PSMG2: variants seen among roughly 807,000 people sequenced by gnomAD.
PSMG2 encodes proteasome assembly chaperone 2.
Under a neutral mutation model 31.5 loss-of-function variants are expected in PSMG2, and 21 were observed. The ratio of observed to expected loss-of-function variants is 0.67; its 90% CI spans 0.47 to 0.96. The LOEUF (loss-of-function observed/expected upper bound fraction) is 0.96. Among genes scored for constraint, PSMG2 ranks in the 40% least tolerant of loss-of-function variants. The probability of loss-of-function intolerance (pLI) is 0.00; values close to 1 mark genes in which losing one functional copy is unlikely to be tolerated. For missense variants in PSMG2, 318 were observed against 321.2 expected (o/e 0.99, Z 0.08); for synonymous variants, 120 against 110.4 (o/e 1.09, Z -0.54).
At chr18:12,706,755 C>G in intron 2 of PSMG2, 34 bp downstream of exon 2, 1 of 1,549,512 alleles carries the variant, frequency 6.5e-7, no homozygotes, top group Non-Finnish European at 8.7e-7. Flanking sequence ...TTTTCCACTA[C>G]AAAGTAGAGT....
chr18:12,671,378 G>A (rs2038938030), intron 1 of PSMG2, among the ~76,000 whole-genome samples: 1 of 151,952 alleles, frequency 6.6e-6, no homozygotes, highest in Non-Finnish European at 1.5e-5. Context: ...ACTTTCTTAA[G>A]ACCAATGGAT....
At chr18:12,671,637 ACTTTC>A (rs2038946008) in intron 1 of PSMG2, among the ~76,000 whole-genome samples, 1 of 121,910 alleles carries the variant, frequency 8.2e-6, no homozygotes, top group Non-Finnish European at 1.7e-5. Context: ...CAGGTTTCAC[ACTTTC>A]TTTTTTTTTT....
intron 3 of PSMG2, among the ~76,000 whole-genome samples, chr18:12,713,170 A>G (rs2040347119): frequency 6.6e-6 from 1 of 152,188 alleles, no homozygotes; most frequent in African/African-American, 2.4e-5. Context: ...AACCAGTGTC[A>G]TCTTCATGCC....
intron 1 of PSMG2, among the ~76,000 whole-genome samples, chr18:12,659,312 C>CTT (rs1448494239): frequency 2.0e-5 from 3 of 152,140 alleles, no homozygotes; most frequent in African/African-American, 7.2e-5. Context: ...GAGATACCAT[C>CTT]TTACATACAG....
At chr18:12,716,503 C>A (rs2040377674) in intron 3 of PSMG2, among the ~76,000 whole-genome samples, 1 of 151,474 alleles carries the variant, frequency 6.6e-6, no homozygotes, top group African/African-American at 2.4e-5. Flanking sequence ...ACGCCACTCT[C>A]CTGCCTCAGC....
At chr18:12,675,424 A>AT (rs1470156814) in intron 1 of PSMG2, among the ~76,000 whole-genome samples, 1 of 152,034 alleles carries the variant, frequency 6.6e-6, no homozygotes, top group Non-Finnish European at 1.5e-5. Context: ...AAATAAATAA[A>AT]AAAGAGTTTA....
chr18:12,711,234 T>C (rs1244696140), intron 2 of PSMG2, among the ~76,000 whole-genome samples: 2 of 151,512 alleles, frequency 1.3e-5, no homozygotes, highest in African/African-American at 2.4e-5. Flanking sequence ...ATCGCACCAC[T>C]GCACTTCAGC....
chr18:12,715,766 A>G (rs1483482243), intron 3 of PSMG2, among the ~76,000 whole-genome samples: 5 of 152,210 alleles, frequency 3.3e-5, no homozygotes, highest in Non-Finnish European at 7.4e-5. Context: ...ACAGCCTCCC[A>G]AAGTGCTGGG....
rs776256600 is a variant in PSMG2 at position 12,720,664 on chromosome 18, A to G, written c.562A>G (p.Lys188Glu). The change falls in exon 5 of 7, where the codon AAA becomes GAA. Residue 188 changes from lysine to glutamate, a missense_variant. By Grantham distance (56) the Lys-to-Glu change is moderately conservative. Transcript: ENST00000317615. ...CIRIPGGGIT[K>E]TLYDESCSKE... is the part of the protein sequence containing the mutation. The stretch of plus-strand genomic sequence containing the variant: ...CCGCATTCCGGGAGGAGGTATCACA[A>G]AAACACTCTATGATGAAAGGTGAGT... 1.9e-6 allele frequency: 3 copies of G among 1,610,592 alleles called. No homozygotes were observed. The highest frequency in any genetic ancestry group is 1.1e-5 in the South Asian group (1 of 90,448).
chr18:12,720,633 T>C lies in PSMG2; in HGVS notation c.531T>C (p.Phe177=). 2.5e-6 allele frequency: 4 copies of C among 1,613,984 alleles called. No homozygotes were observed. Among genetic ancestry groups the C allele is most frequent in the Non-Finnish European group, 3.4e-6 (4 of 1,179,990 alleles). The change falls in exon 5 of 7, where the codon TTT becomes TTC. Residue 177 remains phenylalanine (F), a synonymous_variant. Coordinates refer to ENST00000317615, the MANE Select transcript of PSMG2 (RefSeq NM_020232.5). ...TTCCTGAAATAGATGATTCCGAGTTTTGTATCCGCATTCCGGGAGGAGGTA... is the reference window on the plus strand; with the variant it reads ...TTCCTGAAATAGATGATTCCGAGTTCTGTATCCGCATTCCGGGAGGAGGTA... ...RCIPEIDDSE[F]CIRIPGGGIT...
At chr18:12,690,026 G>T (rs1373072614) in intron 1 of PSMG2, among the ~76,000 whole-genome samples, 2 of 152,132 alleles carry the variant, frequency 1.3e-5, no homozygotes, top group African/African-American at 2.4e-5. Flanking sequence ...TGACCTCAGA[G>T]GATCCACCTG....
At chr18:12,687,454 A>ATTT (rs1259960536) in intron 1 of PSMG2, among the ~76,000 whole-genome samples, 4 of 140,738 alleles carry the variant, frequency 2.8e-5, no homozygotes, top group Admixed American at 7.2e-5. Flanking sequence ...GAAGGCATCA[A>ATTT]TTTTTTTTTT....
intron 1 of PSMG2, among the ~76,000 whole-genome samples, chr18:12,693,707 C>T (rs113240057): frequency 0.081 from 12,372 of 152,084 alleles, 679 homozygotes; most frequent in Middle Eastern, 0.16. Context: ...TGCTTGAACT[C>T]GGCAGGCAGA....
intron 1 of PSMG2, chr18:12,686,880 T>C (rs1306147081): frequency 2.0e-5 from 3 of 152,586 alleles, no homozygotes; most frequent in South Asian, 2.1e-4. Flanking sequence ...ACAGAAATGA[T>C]TGTAGCTTGA....
At chr18:12,707,543 G>T (rs2040282628) in intron 2 of PSMG2, among the ~76,000 whole-genome samples, 1 of 152,158 alleles carries the variant, frequency 6.6e-6, no homozygotes, top group Admixed American at 6.6e-5. Flanking sequence ...ACTAATAGGT[G>T]TAGGCTTTTC....
chr18:12,722,822 C>T lies in PSMG2; in HGVS notation c.582-1677C>T, dbSNP rs545503925. ...CACTGTGTGACAAACTAATAAGAGG[C>T]GCGATAAGCTGAAGAGCATACCCCT... On this transcript the variant is annotated intron_variant, in intron 5 of 6. Coordinates refer to ENST00000317615, the MANE Select transcript of PSMG2 (RefSeq NM_020232.5). Among the ~76,000 whole-genome samples, 11 of 152,290 alleles carry T rather than the reference C, an allele frequency of 7.2e-5. No homozygotes were observed. In the South Asian group the frequency reaches 2.1e-3, roughly 29 times the overall value.
At chr18:12,679,282 C>CTG (rs2039260679) in intron 1 of PSMG2, 2 of 152,314 alleles carry the variant, frequency 1.3e-5, no homozygotes, top group South Asian at 4.1e-4. Context: ...AGCCTGTGCA[C>CTG]TGGGAGGAGT....
In PSMG2 at chr18:12,712,702, T is replaced by A; in HGVS notation, c.230T>A (p.Val77Glu). Residue 77 changes from valine (V) to glutamate (E), a missense_variant and splice_region_variant, in exon 3 of 7, where the codon GTG (valine) becomes GAG (glutamate). By Grantham distance (121) the Val-to-Glu change is moderately radical (BLOSUM62 -2). Coordinates refer to ENST00000317615, the MANE Select transcript of PSMG2 (RefSeq NM_020232.5). ...TTTCATTTTCTTCTTGTTTTTATAG[T>A]GTATTCATTGCCTTCAAGAAAGCTG... ...NSTELSINAE[V>E]YSLPSRKLVA... The A allele has an allele frequency of 6.3e-7, 1 of 1,593,498 alleles. No individual in the cohort carries two copies. The highest frequency in any genetic ancestry group is 1.9e-4 in the Middle Eastern group (1 of 5,132).
intron 1 of PSMG2, among the ~76,000 whole-genome samples, chr18:12,669,032 C>G (rs947079365): frequency 7.1e-5 from 3 of 41,960 alleles, no homozygotes; most frequent in African/African-American, 2.8e-4. Flanking sequence ...ACCCCCCGCA[C>G]TTTTTTTTTT....
Sources: allele counts gnomAD v4.1 joint callset (sites outside exome capture counted in the v4.1 genomes callset), GRCh38; gene constraint gnomAD v4.1.1; transcripts MANE v1.5; gene names NCBI Gene and HGNC (gene_info 2026-07-23, HGNC 2026-07-21).